The following TSG101 variants were observed in gnomAD, a reference collection of about 807,000 sequenced individuals.
The protein encoded by TSG101 is tumor susceptibility gene 101 protein.
TSG101 carries 19 observed loss-of-function variants against 48.5 expected under a neutral mutation model. That is an observed-to-expected ratio of 0.39 (90% CI 0.27 to 0.58). The LOEUF is 0.58. Among genes scored for constraint, TSG101 ranks in the 20% least tolerant of loss-of-function variants. TSG101 has a pLI of 0.55. For synonymous variants in TSG101, 174 were observed against 169.4 expected (o/e 1.03, Z -0.21); for missense variants, 365 against 484.4 (o/e 0.75, Z 2.31).
chr11:18,485,099 T>A (rs1046128792), intron 7 of TSG101, among the ~76,000 whole-genome samples: 1 of 152,098 alleles, frequency 6.6e-6, no homozygotes, highest in Non-Finnish European at 1.5e-5. Flanking sequence ...AAGGGCCTTG[T>A]GAATTACCTG....
At chr11:18,503,063 C>T (rs928795111) in intron 6 of TSG101, among the ~76,000 whole-genome samples, 2 of 151,912 alleles carry the variant, frequency 1.3e-5, no homozygotes, top group Non-Finnish European at 2.9e-5. Context: ...AAAAAAAAAC[C>T]TTTTTTCTCA....
intron 6 of TSG101, among the ~76,000 whole-genome samples, chr11:18,503,950 T>C (rs1178597805): frequency 6.6e-6 from 1 of 152,106 alleles, no homozygotes; most frequent in South Asian, 2.1e-4. Context: ...ACACCTGTAA[T>C]CCTAGCACTT....
intron 7 of TSG101, among the ~76,000 whole-genome samples, chr11:18,493,863 T>C (rs761716911): frequency 1.3e-5 from 2 of 152,226 alleles, no homozygotes; most frequent in Non-Finnish European, 2.9e-5. Context: ...ATTTATAGTG[T>C]ATGAATATGT....
chr11:18,482,575 A>G (rs765827382), intron 8 of TSG101, among the ~76,000 whole-genome samples: 3 of 152,218 alleles, frequency 2.0e-5, no homozygotes, highest in Non-Finnish European at 4.4e-5. Flanking sequence ...AATTATGCTG[A>G]TGCTTCCACT....
At chr11:18,499,381 A>AATAAATATATATATATATATATATAT (rs1554970780) in intron 7 of TSG101, among the ~76,000 whole-genome samples, 2 of 12,294 alleles carry the variant, frequency 1.6e-4, no homozygotes, top group African/African-American at 5.2e-4. Flanking sequence ...TTTATATTTA[A>AATAAATATATATATATATATATATAT]ATATATATAT....
chr11:18,524,680 T>A (rs1045985550), intron 1 of TSG101, among the ~76,000 whole-genome samples: 4 of 152,160 alleles, frequency 2.6e-5, no homozygotes, highest in Non-Finnish European at 5.9e-5. Flanking sequence ...GCAGGTAGGA[T>A]GCCCTCTCCC....
chr11:18,526,852 A>G lies in TSG101; in HGVS notation c.-36T>C. The G allele has an allele frequency of 6.3e-7, 1 of 1,592,488 alleles. No homozygotes were observed. The highest frequency in any genetic ancestry group is 8.5e-7 in the Non-Finnish European group (1 of 1,175,732). On this transcript the variant is annotated 5_prime_UTR_variant, in exon 1 of 10. Coordinates refer to ENST00000251968, the MANE Select transcript of TSG101 (RefSeq NM_006292.4). ...TGGCGACTCCCTTCCCCGCAGGCAG[A>G]GGGTCAGCCGCTGCTGGGCTGCCCC...
chr11:18,483,807 T>TA lies in TSG101; in HGVS notation c.843+62dup. 4 of 1,563,418 alleles carry TA rather than the reference T, an allele frequency of 2.6e-6. No individual in the cohort carries two copies. The South Asian group carries it at 4.5e-5, about 17-fold the overall frequency. ...ATGCCCACAACATCCAGGGAACATA[T>TA]AGAACACTCTGCCATGGCTACAATT... On this transcript the variant is annotated intron_variant, in intron 8 of 9. Coordinates refer to ENST00000251968, the MANE Select transcript of TSG101 (RefSeq NM_006292.4).
intron 6 of TSG101, among the ~76,000 whole-genome samples, chr11:18,504,237 T>C (rs1849933858): frequency 4.6e-5 from 7 of 150,914 alleles, no homozygotes; most frequent in Middle Eastern, 3.4e-3. Context: ...CCTAGGACAC[T>C]GGAGCAAGAG....
intron 6 of TSG101, among the ~76,000 whole-genome samples, chr11:18,502,955 T>C (rs1186024780): frequency 6.6e-6 from 1 of 152,228 alleles, no homozygotes. Context: ...ACCTGTGGCT[T>C]ATTGGTAACC....
intron 8 of TSG101, among the ~76,000 whole-genome samples, chr11:18,482,719 G>T (rs1446979935): frequency 6.6e-6 from 1 of 152,198 alleles, no homozygotes; most frequent in East Asian, 1.9e-4. Flanking sequence ...AGCCAACCAA[G>T]TATCTCTGGA....
chr11:18,484,123 A>G (rs989931736), intron 7 of TSG101, 51 bp from the exon 8 acceptor site: 5 of 1,592,908 alleles, frequency 3.1e-6, no homozygotes, highest in Non-Finnish European at 3.4e-6. Flanking sequence ...AGTTCCTTCT[A>G]TTTGTCTCAC....
chr11:18,510,396 A>C (rs914152705), intron 4 of TSG101, among the ~76,000 whole-genome samples: 2 of 152,074 alleles, frequency 1.3e-5, no homozygotes, highest in Admixed American at 6.5e-5. Flanking sequence ...ACTCCATCCT[A>C]GGCGACAGAG....
chr11:18,499,395 TATATA>T (rs1312784475), intron 7 of TSG101, among the ~76,000 whole-genome samples: 18 of 10,396 alleles, frequency 1.7e-3, no homozygotes, highest in African/African-American at 3.8e-3. Context: ...TATATATATA[TATATA>T]TATTTTTTTT....
intron 4 of TSG101, 102 bp downstream of exon 4, chr11:18,514,576 T>C (rs35188857): frequency 5.4e-5 from 51 of 948,326 alleles, no homozygotes; most frequent in Admixed American, 1.1e-4. Flanking sequence ...TCTGAACTTA[T>C]CTATCCTACC....
intron 7 of TSG101, among the ~76,000 whole-genome samples, chr11:18,492,948 T>C (rs974414011): frequency 6.6e-6 from 1 of 152,252 alleles, no homozygotes; most frequent in African/African-American, 2.4e-5. Flanking sequence ...GATTCTCATC[T>C]ACTTTGTGAA....
chr11:18,500,442 C>T (rs72871724), intron 7 of TSG101, among the ~76,000 whole-genome samples: 12,999 of 152,228 alleles, frequency 0.085, 622 homozygotes, highest in Middle Eastern at 0.13. Flanking sequence ...TTCCCACCAA[C>T]ATTGTATAAG....
chr11:18,484,064 T>G lies in TSG101; in HGVS notation c.649A>C (p.Arg217=). The change falls in exon 8 of 10, where the codon AGG becomes CGG. Residue 217 remains arginine (R), a synonymous_variant. Coordinates refer to ENST00000251968, the MANE Select transcript of TSG101 (RefSeq NM_006292.4). ...QPPVTTVGPS[R]DGTISEDTIR... ...GTGTCCTCGCTGATTGTGCCATCCC[T>G]ACTGGGACCTGCAGGAAACAGAGGC... is the stretch of plus-strand genomic sequence containing the variant. 1 of 1,614,106 alleles carries G rather than the reference T, an allele frequency of 6.2e-7. No individual in the cohort carries two copies. Among genetic ancestry groups the G allele is most frequent in the Non-Finnish European group, 8.5e-7 (1 of 1,179,978 alleles).
At chr11:18,510,462 GA>G (rs1850060209) in intron 4 of TSG101, among the ~76,000 whole-genome samples, 1 of 152,138 alleles carries the variant, frequency 6.6e-6, no homozygotes, top group African/African-American at 2.4e-5. Flanking sequence ...TTCTAGCTTA[GA>G]AATTGCTAGA....
Sources: gnomAD v4.1 joint callset for allele counts (sites outside exome capture counted in the v4.1 genomes callset) on GRCh38, gnomAD v4.1.1 for gene constraint, MANE v1.5 for transcripts, NCBI Gene and HGNC (gene_info 2026-07-23, HGNC 2026-07-21) for gene names.